Variants in RREB1 observed in about 807,000 individuals in gnomAD.
RREB1 encodes the protein ras responsive element binding protein 1.
RREB1 carries 27 observed loss-of-function variants against 117.8 expected under a neutral mutation model. The ratio of observed to expected loss-of-function variants is 0.23; its 90% CI spans 0.17 to 0.32. The LOEUF (loss-of-function observed/expected upper bound fraction) is 0.32. Among genes scored for constraint, RREB1 ranks in the 10% least tolerant of loss-of-function variants. The pLI, the probability that RREB1 is intolerant of heterozygous loss-of-function variation, is 1.00. For synonymous variants in RREB1, 1,298 were observed against 1,026.7 expected (o/e 1.26, Z -5.05); for missense variants, 2,577 against 2,378.2 (o/e 1.08, Z -1.74).
intron 1 of RREB1, among the ~76,000 whole-genome samples, chr6:7,112,118 C>G (rs1412333660): frequency 6.6e-6 from 1 of 152,184 alleles, no homozygotes; most frequent in Non-Finnish European, 1.5e-5. Context: ...CCGCCCAGTT[C>G]ATAGCTATCT....
chr6:7,201,722 A>G (rs1411106070), intron 6 of RREB1, among the ~76,000 whole-genome samples: 2 of 152,186 alleles, frequency 1.3e-5, no homozygotes, highest in Non-Finnish European at 2.9e-5. Context: ...ATTCAGTTGC[A>G]TAATGGGTTC....
intron 1 of RREB1, among the ~76,000 whole-genome samples, chr6:7,166,781 C>G (rs1293868874): frequency 6.6e-6 from 1 of 152,208 alleles, no homozygotes; most frequent in African/African-American, 2.4e-5. Flanking sequence ...ATCACCTGCC[C>G]TGGGATTGCT....
intron 1 of RREB1, among the ~76,000 whole-genome samples, chr6:7,147,754 C>T (rs761838239): frequency 6.6e-5 from 10 of 151,884 alleles, no homozygotes; most frequent in Non-Finnish European, 1.5e-4. Flanking sequence ...TTCATTGTAT[C>T]TTTCTTATAA....
chr6:7,233,925 C>T (rs924755947), intron 10 of RREB1, among the ~76,000 whole-genome samples: 21 of 152,008 alleles, frequency 1.4e-4, no homozygotes, highest in African/African-American at 4.4e-4. Context: ...TGGCTGGGAG[C>T]GATAGGACTC....
intron 1 of RREB1, among the ~76,000 whole-genome samples, chr6:7,127,290 G>C (rs1761980906): frequency 6.6e-6 from 1 of 152,126 alleles, no homozygotes; most frequent in Non-Finnish European, 1.5e-5. Context: ...ATTTAAGTCG[G>C]AGAGAAGACA....
chr6:7,228,878 T>C (rs1218966601), intron 9 of RREB1, 119 bp from the exon 10 acceptor site: 15 of 884,624 alleles, frequency 1.7e-5, no homozygotes, highest in Non-Finnish European at 4.6e-6. Flanking sequence ...CTTTATGTTA[T>C]GGGGAAAGGC....
chr6:7,131,424 T>C (rs930011175), intron 1 of RREB1, among the ~76,000 whole-genome samples: 5 of 152,248 alleles, frequency 3.3e-5, no homozygotes, highest in African/African-American at 1.2e-4. Flanking sequence ...GGAGGCATTA[T>C]ACCTCTTGCA....
intron 8 of RREB1, among the ~76,000 whole-genome samples, chr6:7,225,589 G>C (rs1263114218): frequency 6.6e-6 from 1 of 152,184 alleles, no homozygotes; most frequent in East Asian, 1.9e-4. Flanking sequence ...CTATGCATCT[G>C]TGTGGCCCAG....
At chr6:7,227,873 C>T (rs1178463135) in intron 9 of RREB1, among the ~76,000 whole-genome samples, 1 of 152,178 alleles carries the variant, frequency 6.6e-6, no homozygotes, top group Non-Finnish European at 1.5e-5. Flanking sequence ...CAAGACCAGC[C>T]TGGCCAACAC....
Position 7,247,064 on chromosome 6 carries a change from A to G in RREB1, c.4614A>G (p.Lys1538=), listed in dbSNP as rs746103201. The G allele has an allele frequency of 6.2e-7, 1 of 1,613,512 alleles. No homozygotes were observed. Among genetic ancestry groups the G allele is most frequent in the South Asian group, 1.1e-5 (1 of 91,078 alleles). Residue 1538 remains lysine (K), a synonymous_variant, in exon 12 of 13, where the codon AAA becomes AAG. Transcript: ENST00000379938. ...CCGACGGGGAGAGCGCGGCCGAGAA[A>G]AGGTCCTCAGAGAAGAGCGACGATG... ...GPSDGESAAE[K]RSSEKSDDDK...
chr6:7,223,280 G>T (rs924210596), intron 8 of RREB1, among the ~76,000 whole-genome samples: 1 of 100,506 alleles, frequency 9.9e-6, no homozygotes, highest in Non-Finnish European at 2.0e-5. Flanking sequence ...AAAAAAAAAA[G>T]GCCGGGCACG....
chr6:7,209,242 A>G (rs561957801), intron 6 of RREB1, among the ~76,000 whole-genome samples: 1 of 152,336 alleles, frequency 6.6e-6, no homozygotes, highest in East Asian at 1.9e-4. Context: ...AACTGTAGAA[A>G]AGGGCGTGGA....
intron 11 of RREB1, 27 bp from the exon 12 acceptor site, chr6:7,246,397 G>A: frequency 6.9e-7 from 1 of 1,451,434 alleles, no homozygotes; most frequent in Non-Finnish European, 9.1e-7. Flanking sequence ...GCCCCTCTGA[G>A]CCCTCCCCGC....
intron 1 of RREB1, among the ~76,000 whole-genome samples, chr6:7,154,531 T>G (rs954445026): frequency 6.6e-6 from 1 of 152,204 alleles, no homozygotes; most frequent in South Asian, 2.1e-4. Flanking sequence ...TGAGGGATGG[T>G]ATCATGTGTG....
In RREB1 at chr6:7,229,747, C is replaced by T. The variant is rs533049687; in HGVS notation, c.1648C>T (p.Leu550Phe). 2.1e-5 allele frequency: 33 copies of T among 1,603,558 alleles called. No homozygotes were observed. The African/African-American group carries it at 2.9e-4, about 14-fold the overall frequency. Residue 550 changes from leucine (L) to phenylalanine (F), a missense_variant, in exon 10 of 13, where the codon CTC becomes TTC. Physicochemically the swap from Leu to Phe is conservative, Grantham distance 22 (BLOSUM62 0). Transcript: ENST00000379938. This position sits in a 1 kb window ranked among gnomAD's most constrained non-coding sequence, Gnocchi z 4.5. ...PSLPPPPLKL[L>F]KGSVEAASNA... ...CCTGCCGCCACCGCCCCTGAAGCTC[C>T]TCAAAGGCTCAGTGGAGGCGGCCTC...
intron 8 of RREB1, among the ~76,000 whole-genome samples, chr6:7,222,201 T>C (rs1461329054): frequency 1.3e-5 from 2 of 152,218 alleles, no homozygotes; most frequent in Non-Finnish European, 2.9e-5. Flanking sequence ...TCCAAACTTA[T>C]CTAACTATAA....
At chr6:7,171,173 A>G (rs1025887391) in intron 1 of RREB1, among the ~76,000 whole-genome samples, 4 of 152,192 alleles carry the variant, frequency 2.6e-5, no homozygotes, top group African/African-American at 9.7e-5. Context: ...ACAAGGGTAT[A>G]TAACGTGAAG....
chr6:7,139,939 T>C (rs1394392195), intron 1 of RREB1, among the ~76,000 whole-genome samples: 1 of 152,246 alleles, frequency 6.6e-6, no homozygotes, highest in Non-Finnish European at 1.5e-5. Flanking sequence ...TCAGGTTTAG[T>C]ACAGTTCATG....
intron 1 of RREB1, among the ~76,000 whole-genome samples, chr6:7,157,789 G>A (rs955078629): frequency 1.3e-5 from 2 of 151,500 alleles, no homozygotes; most frequent in East Asian, 1.9e-4. Context: ...TCCAACTTAC[G>A]AGTTCTCTTG....
Sources: gnomAD v4.1 joint callset for allele counts (sites outside exome capture counted in the v4.1 genomes callset) on GRCh38, gnomAD v4.1.1 for gene constraint, Gnocchi (gnomAD v3.1) non-coding constraint, MANE v1.5 for transcripts, NCBI Gene and HGNC (gene_info 2026-07-23, HGNC 2026-07-21) for gene names.